Variants in PLB1 observed in about 807,000 individuals in gnomAD.
PLB1 encodes the protein phospholipase B1, also known as phospholipase B1, membrane-associated.
A neutral mutation model predicts 227.4 loss-of-function variants in PLB1; 242 were observed. The observed-to-expected ratio is 1.06, with a 90% CI of 0.96 to 1.18. PLB1 has a LOEUF of 1.18. Among genes scored for constraint, PLB1 ranks in the 50% most tolerant of loss-of-function variants. PLB1 has a pLI of 0.00. For synonymous variants in PLB1, 757 were observed against 682.2 expected, an observed-to-expected ratio of 1.11 and a Z score of -1.71; for missense variants, 1,858 against 1,816.3, an observed-to-expected ratio of 1.02 and a Z score of -0.42.
At chr2:28,526,315 C>T (rs1670256657) in intron 6 of PLB1, among the ~76,000 whole-genome samples, 1 of 151,994 alleles carries the variant, frequency 6.6e-6, no homozygotes, top group South Asian at 2.1e-4. Flanking sequence ...CCGTGGTTCA[C>T]TCCTCCCACC....
intron 19 of PLB1, 102 bp from the exon 20 acceptor site, chr2:28,566,694 G>A (rs1676969430): frequency 6.9e-6 from 9 of 1,313,826 alleles, no homozygotes; most frequent in Admixed American, 1.7e-5. Context: ...CCAGGCCCCC[G>A]GGCTGTTTCT....
intron 16 of PLB1, 111 bp from the exon 17 acceptor site, chr2:28,552,817 A>G: frequency 1.2e-6 from 1 of 856,376 alleles, no homozygotes; most frequent in Non-Finnish European, 2.0e-6. Context: ...AAATGACATC[A>G]AAGTTTTACT....
At chr2:28,569,570 A>G (rs546884670) in intron 20 of PLB1, among the ~76,000 whole-genome samples, 1 of 152,360 alleles carries the variant, frequency 6.6e-6, no homozygotes, top group South Asian at 2.1e-4. Flanking sequence ...GGATTATTAG[A>G]GAATACCATG....
intron 24 of PLB1, 36 bp from the exon 25 acceptor site, chr2:28,582,369 C>T: frequency 6.3e-7 from 1 of 1,581,382 alleles, no homozygotes; most frequent in African/African-American, 1.3e-5. Context: ...GCTGCCCAGC[C>T]TCATCCTCTT....
chr2:28,583,358 A>G (rs531984057), intron 25 of PLB1, among the ~76,000 whole-genome samples: 8 of 151,950 alleles, frequency 5.3e-5, no homozygotes, highest in Non-Finnish European at 8.8e-5. Flanking sequence ...TAATTTTTGT[A>G]TTTTTAGTAG....
chr2:28,611,440 C>G (rs1239323261), intron 43 of PLB1, among the ~76,000 whole-genome samples: 1 of 152,188 alleles, frequency 6.6e-6, no homozygotes, highest in Non-Finnish European at 1.5e-5. Context: ...AGGGAGAATG[C>G]CACTGAGTCT....
Position 28,588,242 on chromosome 2 carries a change from T to C in PLB1, c.1816-1208T>C, listed in dbSNP as rs532240056. Among the ~76,000 whole-genome samples the C allele has an allele frequency of 2.0e-5, 3 of 152,356 alleles. No individual in the cohort carries two copies. In the East Asian group the frequency reaches 5.8e-4, roughly 29 times the overall value. On this transcript the variant is annotated intron_variant, in intron 26 of 57. Transcript: ENST00000327757. ...TGGTTCCACTGTGAGCCCATCTGGC[T>C]ATCCCCCGAGTAACCAGTAGCGTTG...
Position 28,640,984 on chromosome 2 carries a change from C to T in PLB1, c.4156C>T (p.Leu1386Phe), listed in dbSNP as rs1689910628. ...SNNFTHSRAK[L>F]KCPSPESPYL... ...CAACTTCACCCACAGCCGAGCCAAA[C>T]TCAAGTGCCCCTCTCCTGTGAGTAA... Residue 1386 changes from leucine to phenylalanine, a missense_variant, in exon 57 of 58, where the codon CTC becomes TTC. By Grantham distance (22) the Leu-to-Phe change is conservative. Transcript: ENST00000327757. 1 of 1,613,750 alleles carries T rather than the reference C, an allele frequency of 6.2e-7. No homozygotes were observed. Among genetic ancestry groups the T allele is most frequent in the Non-Finnish European group, 8.5e-7 (1 of 1,179,892 alleles).
At chr2:28,536,967 G>T (rs1671770020) in intron 9 of PLB1, among the ~76,000 whole-genome samples, 1 of 152,186 alleles carries the variant, frequency 6.6e-6, no homozygotes, top group Non-Finnish European at 1.5e-5. Flanking sequence ...CAGGGACGGT[G>T]GGTATGGTTC....
intron 44 of PLB1, among the ~76,000 whole-genome samples, chr2:28,615,641 A>C (rs1686091448): frequency 6.6e-6 from 1 of 152,182 alleles, no homozygotes; most frequent in African/African-American, 2.4e-5. Context: ...CCAGTGACCA[A>C]ATTCCCTGAG....
intron 14 of PLB1, among the ~76,000 whole-genome samples, chr2:28,547,426 T>A (rs899850929): frequency 1.8e-4 from 27 of 152,206 alleles, no homozygotes; most frequent in African/African-American, 6.3e-4. Flanking sequence ...CCACTCCTTT[T>A]CCAAATGTTC....
At position 28,573,204 on chromosome 2, in the gene PLB1, C is replaced by T; in HGVS notation, c.1332C>T (p.Leu444=). Residue 444 remains leucine (L), a synonymous_variant, in exon 21 of 58, where the codon CTC becomes CTT. Coordinates refer to ENST00000327757, the MANE Select transcript of PLB1 (RefSeq NM_153021.5). ...IGTVTTLANI[L]REFNPSLKGF... ...TTTTCCTTGTATTTGCAGACATCCT[C>T]CGGGAATTCAACCCTTCCCTGAAGG... 1 of 1,613,262 alleles carries T rather than the reference C, an allele frequency of 6.2e-7. No homozygotes were observed. Among genetic ancestry groups the T allele is most frequent in the Non-Finnish European group, 8.5e-7 (1 of 1,179,242 alleles).
At chr2:28,589,167 CA>C (rs1240846370) in intron 26 of PLB1, among the ~76,000 whole-genome samples, 13 of 145,176 alleles carry the variant, frequency 9.0e-5, no homozygotes, top group East Asian at 4.0e-4. Flanking sequence ...TCTGTCCCCC[CA>C]AAAAAAAAAG....
chr2:28,629,243 G>A (rs772287638), intron 53 of PLB1, 58 bp downstream of exon 53: 35 of 1,530,408 alleles, frequency 2.3e-5, no homozygotes, highest in Non-Finnish European at 3.0e-5. Context: ...AGGGCTTGCA[G>A]GTGCCAAAGG....
At chr2:28,538,183 T>C in intron 9 of PLB1, 136 bp from the exon 10 acceptor site, 2 of 988,392 alleles carry the variant, frequency 2.0e-6, no homozygotes, top group South Asian at 1.4e-5. Context: ...CTGTCCTCCT[T>C]TGTGGAATGC....
At chr2:28,600,762 A>C in intron 35 of PLB1, 47 bp from the exon 36 acceptor site, 1 of 1,587,774 alleles carries the variant, frequency 6.3e-7, no homozygotes. Context: ...GAGGAAAACT[A>C]TGGGCACTGT....
intron 17 of PLB1, 73 bp downstream of exon 17, chr2:28,553,064 T>C: frequency 7.8e-7 from 1 of 1,279,316 alleles, no homozygotes; most frequent in Admixed American, 1.7e-5. Flanking sequence ...GCTTTCCACA[T>C]AACCTGAAAT....
At chr2:28,612,609 CTTT>C (rs34185578) in intron 43 of PLB1, among the ~76,000 whole-genome samples, 6 of 137,430 alleles carry the variant, frequency 4.4e-5, no homozygotes, top group Admixed American at 7.3e-5. Flanking sequence ...CTGGTTTTCC[CTTT>C]TTTTTTTTTT....
At chr2:28,566,492 C>A in intron 19 of PLB1, 2 of 374,514 alleles carry the variant, frequency 5.3e-6, no homozygotes, top group Non-Finnish European at 9.8e-6. Flanking sequence ...GGCTGGCAGA[C>A]GAGGGACTAC....
Sources: gnomAD v4.1 joint callset for allele counts (sites outside exome capture counted in the v4.1 genomes callset) on GRCh38, gnomAD v4.1.1 for gene constraint, MANE v1.5 for transcripts, NCBI Gene and HGNC (gene_info 2026-07-23, HGNC 2026-07-21) for gene names.